RNF128: variants seen among roughly 807,000 people sequenced by gnomAD.
RNF128 encodes ring finger protein 128.
A neutral mutation model predicts 26.2 loss-of-function variants in RNF128; 13 were observed. The ratio of observed to expected loss-of-function variants is 0.50; its 90% CI spans 0.32 to 0.79. RNF128 has a LOEUF of 0.79. Among genes scored for constraint, RNF128 ranks in the 30% least tolerant of loss-of-function variants. The probability of loss-of-function intolerance (pLI) is 0.03; values close to 1 mark genes in which losing one functional copy is unlikely to be tolerated. For synonymous variants in RNF128, 149 were observed against 142.5 expected (o/e 1.05, Z -0.32); for missense variants, 315 against 349.7 (o/e 0.90, Z 0.79).
intron 1 of RNF128, among the ~76,000 whole-genome samples, chrX:106,744,334 A>T (rs899110237): frequency 8.9e-6 from 1 of 112,060 alleles, no homozygotes. Context: ...AGATTCAGCC[A>T]TCTTTTATTA....
intron 6 of RNF128, among the ~76,000 whole-genome samples, chrX:106,794,738 A>G (rs923486431): frequency 4.5e-5 from 5 of 111,240 alleles, no homozygotes; most frequent in Non-Finnish European, 7.6e-5. Flanking sequence ...TTATTTCTCT[A>G]TCTGTCATTT....
intron 1 of RNF128, among the ~76,000 whole-genome samples, chrX:106,736,852 G>A (rs1929607830): frequency 8.9e-6 from 1 of 111,945 alleles, no homozygotes; most frequent in South Asian, 3.7e-4. Flanking sequence ...CCAGTGTTTA[G>A]CAACATTACT....
chrX:106,719,957 C>G (rs1229842850), intron 1 of RNF128, among the ~76,000 whole-genome samples: 1 of 110,093 alleles, frequency 9.1e-6, no homozygotes, highest in Non-Finnish European at 1.9e-5. Flanking sequence ...TTTTCCTATC[C>G]CACTTTCCCC....
intron 1 of RNF128, among the ~76,000 whole-genome samples, chrX:106,761,088 C>G (rs1187633044): frequency 9.0e-6 from 1 of 111,295 alleles, no homozygotes; most frequent in African/African-American, 3.3e-5. Flanking sequence ...TCCAACAACC[C>G]CATTAAAAAC....
intron 1 of RNF128, among the ~76,000 whole-genome samples, chrX:106,746,901 C>A (rs5916767): frequency 0.011 from 1,193 of 110,214 alleles, 4 homozygotes; most frequent in Middle Eastern, 0.024. Flanking sequence ...AGAATTTCTC[C>A]TAGAATTGGA....
At chrX:106,772,384 A>G (rs941598289) in intron 1 of RNF128, among the ~76,000 whole-genome samples, 2 of 111,984 alleles carry the variant, frequency 1.8e-5, no homozygotes, top group African/African-American at 6.5e-5. Context: ...CATCATGGAC[A>G]TATGTAGTTT....
At chrX:106,751,400 C>T (rs761736296) in intron 1 of RNF128, among the ~76,000 whole-genome samples, 13 of 110,671 alleles carry the variant, frequency 1.2e-4, no homozygotes, top group East Asian at 5.7e-4. Context: ...CAGCCCTAGC[C>T]GGAGGAGAAT....
At chrX:106,722,030 A>C (rs1186785959), upstream of RNF128, among the ~76,000 whole-genome samples, 1 of 111,577 alleles carries the variant, frequency 9.0e-6, no homozygotes, top group Non-Finnish European at 1.9e-5. Flanking sequence ...TTGATTTGTC[A>C]GATATAAGGT....
chrX:106,726,921 C>T lies in RNF128; in HGVS notation c.8C>T (p.Pro3Leu). The part of the protein sequence containing the change: MG[P>L]PPGAGVSCRG... Reference sequence around the variant, plus strand: ...CTGCGGAGCGCGCGCGCCATGGGGCCGCCGCCTGGGGCCGGGGTCTCCTGC... The same window carrying T: ...CTGCGGAGCGCGCGCGCCATGGGGCTGCCGCCTGGGGCCGGGGTCTCCTGC... Residue 3 changes from proline (P) to leucine (L), a missense_variant, in exon 1 of 7, where the codon CCG becomes CTG. Physicochemically the swap from Pro to Leu is moderately conservative, Grantham distance 98. Coordinates refer to ENST00000255499, the MANE Select transcript of RNF128 (RefSeq NM_194463.2). 8.5e-7 allele frequency: 1 copy of T among 1,172,949 alleles called. No homozygotes were observed. Among genetic ancestry groups the T allele is most frequent in the Non-Finnish European group, 1.1e-6 (1 of 877,072 alleles).
At position 106,796,723 on chromosome X, in the gene RNF128, G is replaced by A. The variant is rs1930925472; in HGVS notation, c.*1010G>A. 1 of 111,300 alleles carries A rather than the reference G, an allele frequency of 9.0e-6. No homozygotes were observed. Among genetic ancestry groups the A allele is most frequent in the Admixed American group, 9.7e-5 (1 of 10,354 alleles). The allele number at this position is 111,300 out of a possible 1,213,427, so 9.2% of individuals were successfully genotyped here. ...AAAAAGAAGGGGGGGAGAATTCCAG[G>A]TGCCTTAATATAAAGTTTGAAGCTT... On this transcript the variant is annotated 3_prime_UTR_variant, in exon 7 of 7. Transcript: ENST00000255499.
At chrX:106,791,034 G>A in intron 5 of RNF128, 32 bp from the exon 6 acceptor site, 1 of 1,183,044 alleles carries the variant, frequency 8.5e-7, no homozygotes, top group Non-Finnish European at 1.1e-6. Flanking sequence ...TGTACACTGA[G>A]AGGCTTTTAA....
intron 2 of RNF128, among the ~76,000 whole-genome samples, chrX:106,773,990 C>T (rs1930423101): frequency 9.0e-6 from 1 of 111,428 alleles, no homozygotes; most frequent in South Asian, 3.8e-4. Context: ...GTTAAATTTA[C>T]TTCCCACCTA....
intron 4 of RNF128, among the ~76,000 whole-genome samples, chrX:106,788,417 T>G (rs1309466511): frequency 4.2e-5 from 2 of 47,836 alleles, no homozygotes; most frequent in East Asian, 7.8e-4. Context: ...ATATAATATA[T>G]AATATATATT....
chrX:106,750,478 T>G (rs923236498), intron 1 of RNF128, among the ~76,000 whole-genome samples: 1 of 111,561 alleles, frequency 9.0e-6, no homozygotes, highest in Non-Finnish European at 1.9e-5. Context: ...ATGCCTACCT[T>G]ATAGGGTTGA....
intron 1 of RNF128, among the ~76,000 whole-genome samples, chrX:106,697,724 T>C (rs1417062883): frequency 9.0e-6 from 1 of 111,058 alleles, no homozygotes; most frequent in Non-Finnish European, 1.9e-5. Flanking sequence ...ACTAAGAGTG[T>C]TATTTTTCTG....
chrX:106,769,538 C>T lies in RNF128; in HGVS notation c.485-3375C>T, dbSNP rs780002928. ...TTGATCAGAGACTAGGATTGCTACA[C>T]CTGCTTTGTTTTTTTTTTTTTTTTT... On this transcript the variant is annotated intron_variant, in intron 1 of 6. Transcript: ENST00000255499. Among the ~76,000 whole-genome samples the T allele has an allele frequency of 2.0e-4, 16 of 81,802 alleles. 1 individual carries two copies. The East Asian group carries it at 6.3e-3, about 32-fold the overall frequency. 71.0% of individuals were successfully genotyped at this position (81,802 alleles called of 115,157 possible). A position where few individuals can be genotyped will look rare whatever the true frequency, so the allele number is the denominator to read the frequency against.
intron 2 of RNF128, among the ~76,000 whole-genome samples, chrX:106,779,154 A>G (rs895358668): frequency 9.0e-6 from 1 of 111,561 alleles, no homozygotes. Flanking sequence ...AGCTCTTATA[A>G]TGGGTCTCAG....
chrX:106,733,471 GA>G (rs1250768254), intron 1 of RNF128, among the ~76,000 whole-genome samples: 1 of 111,180 alleles, frequency 9.0e-6, no homozygotes, highest in Non-Finnish European at 1.9e-5. Flanking sequence ...TAGAAAACTT[GA>G]AAAATACAGA....
intron 1 of RNF128, among the ~76,000 whole-genome samples, chrX:106,702,618 CA>C (rs1348563823): frequency 1.8e-5 from 2 of 112,019 alleles, no homozygotes; most frequent in African/African-American, 6.5e-5. Flanking sequence ...ATCATATAAA[CA>C]AATTATATCT....
Sources: allele counts gnomAD v4.1 joint callset (sites outside exome capture counted in the v4.1 genomes callset), GRCh38; gene constraint gnomAD v4.1.1; transcripts MANE v1.5; gene names NCBI Gene and HGNC (gene_info 2026-07-23, HGNC 2026-07-21).